Variants in INPP4B observed in about 807,000 individuals in gnomAD.
INPP4B encodes inositol polyphosphate 4-phosphatase type II.
A neutral mutation model predicts 122.5 loss-of-function variants in INPP4B; 55 were observed. The ratio of observed to expected loss-of-function variants is 0.45; its 90% CI spans 0.36 to 0.56. The LOEUF (loss-of-function observed/expected upper bound fraction) is 0.56, where lower values mean the gene tolerates loss of function less well. INPP4B is among the 20% of genes least tolerant of loss of function. The probability of loss-of-function intolerance (pLI) is 0.00; values close to 1 mark genes in which losing one functional copy is unlikely to be tolerated. For missense variants in INPP4B, 1,000 were observed against 1,097.7 expected (o/e 0.91, Z 1.26); for synonymous variants, 403 against 388.7 (o/e 1.04, Z -0.43).
chr4:142,057,471 T>C (rs907318356), intron 25 of INPP4B, among the ~76,000 whole-genome samples: 7 of 151,136 alleles, frequency 4.6e-5, no homozygotes, highest in Admixed American at 2.0e-4. Context: ...TCTAAGTAGG[T>C]ATTTTAAAAG....
chr4:142,177,584 T>C (rs1828899964), intron 15 of INPP4B, among the ~76,000 whole-genome samples: 1 of 152,036 alleles, frequency 6.6e-6, no homozygotes, highest in Non-Finnish European at 1.5e-5. Context: ...AAATTGAAAT[T>C]AGTTTCATAA....
chr4:142,072,327 G>T (rs549312626), intron 25 of INPP4B, among the ~76,000 whole-genome samples: 3 of 152,038 alleles, frequency 2.0e-5, no homozygotes, highest in African/African-American at 7.2e-5. Flanking sequence ...CACACATCGG[G>T]GCCTGTCATG....
intron 2 of INPP4B, among the ~76,000 whole-genome samples, chr4:142,545,825 A>ATATATACACATATATATGTGTGTG (rs1829576703): frequency 6.7e-6 from 1 of 148,592 alleles, no homozygotes; most frequent in Non-Finnish European, 1.5e-5. Context: ...ATGTGTGTAT[A>ATATATACACATATATATGTGTGTG]TATATATATA....
At chr4:142,384,727 GT>G (rs1459161321) in intron 7 of INPP4B, among the ~76,000 whole-genome samples, 1 of 152,036 alleles carries the variant, frequency 6.6e-6, no homozygotes, top group Non-Finnish European at 1.5e-5. Flanking sequence ...ACATGTGCAG[GT>G]TTTAGTTAAA....
chr4:142,257,367 G>A (rs2150328721), intron 11 of INPP4B, among the ~76,000 whole-genome samples: 1 of 152,186 alleles, frequency 6.6e-6, no homozygotes, highest in East Asian at 1.9e-4. Context: ...CAATTAGGCA[G>A]GAGAAGGAAA....
At chr4:142,806,090 TAA>T (rs1213558526) in intron 1 of INPP4B, among the ~76,000 whole-genome samples, 2 of 151,754 alleles carry the variant, frequency 1.3e-5, no homozygotes, top group African/African-American at 4.8e-5. Flanking sequence ...CCATCCTGTC[TAA>T]CACGGTGAAA....
At chr4:142,734,609 A>G (rs1365854160) in intron 1 of INPP4B, among the ~76,000 whole-genome samples, 4 of 152,160 alleles carry the variant, frequency 2.6e-5, no homozygotes, top group African/African-American at 9.7e-5. Context: ...TCATCTGTCT[A>G]TGGCCCTTAA....
At chr4:142,721,794 C>T (rs1333350343) in intron 2 of INPP4B, among the ~76,000 whole-genome samples, 1 of 152,082 alleles carries the variant, frequency 6.6e-6, no homozygotes, top group Non-Finnish European at 1.5e-5. Flanking sequence ...GCACTCCGGC[C>T]TGGGTGACAG....
At chr4:142,384,789 AGCC>A (rs1795392848) in intron 7 of INPP4B, among the ~76,000 whole-genome samples, 1 of 152,066 alleles carries the variant, frequency 6.6e-6, no homozygotes, top group Non-Finnish European at 1.5e-5. Flanking sequence ...CCAGGTATTA[AGCC>A]TAGTACCCAA....
intron 17 of INPP4B, among the ~76,000 whole-genome samples, chr4:142,149,654 A>G (rs1812730956): frequency 6.6e-6 from 1 of 152,214 alleles, no homozygotes; most frequent in African/African-American, 2.4e-5. Flanking sequence ...TGAGACTTAA[A>G]TATGAGTCCA....
At chr4:142,143,707 A>C (rs1022123814) in intron 18 of INPP4B, among the ~76,000 whole-genome samples, 1 of 152,066 alleles carries the variant, frequency 6.6e-6, no homozygotes, top group Admixed American at 6.6e-5. Flanking sequence ...TGACAATCTA[A>C]CTTATGGGGA....
chr4:142,235,765 T>C (rs746622961), intron 12 of INPP4B, among the ~76,000 whole-genome samples: 8 of 152,244 alleles, frequency 5.3e-5, no homozygotes, highest in Non-Finnish European at 8.8e-5. Flanking sequence ...TTCACAGACA[T>C]TTTATTTCAT....
intron 2 of INPP4B, among the ~76,000 whole-genome samples, chr4:142,591,181 C>T (rs936991220): frequency 1.4e-4 from 21 of 151,948 alleles, no homozygotes; most frequent in African/African-American, 5.1e-4. Context: ...CACCTGCAGT[C>T]TCAGCTACTT....
At chr4:142,029,314 G>A (rs1738340096) in intron 25 of INPP4B, 1 of 984,540 alleles carries the variant, frequency 1.0e-6, no homozygotes, top group Non-Finnish European at 1.2e-6. Context: ...TAGAAATAAG[G>A]CATTTAATTT....
chr4:142,442,214 C>A (rs1811899646), intron 3 of INPP4B, among the ~76,000 whole-genome samples: 1 of 151,780 alleles, frequency 6.6e-6, no homozygotes, highest in Non-Finnish European at 1.5e-5. Flanking sequence ...AGTTCGAGAC[C>A]AGCCTGGCCA....
chr4:142,103,680 G>A (rs1395003443), intron 23 of INPP4B, among the ~76,000 whole-genome samples: 1 of 151,940 alleles, frequency 6.6e-6, no homozygotes, highest in Admixed American at 6.6e-5. Context: ...AGATACTACG[G>A]CATAGACCGT....
chr4:142,809,223 C>A (rs1269949835), intron 1 of INPP4B, among the ~76,000 whole-genome samples: 1 of 151,844 alleles, frequency 6.6e-6, no homozygotes, highest in Non-Finnish European at 1.5e-5. Context: ...AATTTTATTT[C>A]TTATTTTTTA....
intron 2 of INPP4B, among the ~76,000 whole-genome samples, chr4:142,624,414 TG>T (rs1745795240): frequency 6.6e-6 from 1 of 151,812 alleles, no homozygotes; most frequent in African/African-American, 2.4e-5. Flanking sequence ...TTGATGGGGT[TG>T]TTTGTTTTTT....
chr4:142,040,905 G>A (rs191104941), intron 25 of INPP4B, among the ~76,000 whole-genome samples: 89 of 152,234 alleles, frequency 5.8e-4, no homozygotes, highest in African/African-American at 2.0e-3. Context: ...ACATTAACAC[G>A]TAAAATTACT....
Sources: gnomAD v4.1 joint callset for allele counts (sites outside exome capture counted in the v4.1 genomes callset) on GRCh38, gnomAD v4.1.1 for gene constraint, MANE v1.5 for transcripts, NCBI Gene and HGNC (gene_info 2026-07-23, HGNC 2026-07-21) for gene names.